XPR1: variants seen among roughly 807,000 people sequenced by gnomAD.
XPR1 encodes xenotropic and polytropic retrovirus receptor 1.
A neutral mutation model predicts 87.5 loss-of-function variants in XPR1; 28 were observed. The ratio of observed to expected loss-of-function variants is 0.32; its 90% confidence interval spans 0.24 to 0.44. The LOEUF (loss-of-function observed/expected upper bound fraction) is 0.44, where lower values mean the gene tolerates loss of function less well. Ranked by LOEUF, XPR1 falls within the 20% of genes least tolerant of loss-of-function variation. The pLI is 1.00. For missense variants in XPR1, 559 were observed against 862.3 expected (o/e 0.65, Z 4.41); for synonymous variants, 300 against 306.1 (o/e 0.98, Z 0.21).
chr1:180,774,939 A>G (rs181809257), intron 2 of XPR1, among the ~76,000 whole-genome samples: 370 of 152,314 alleles, frequency 2.4e-3, no homozygotes, highest in Admixed American at 3.9e-3. Flanking sequence ...CCAAGATGGC[A>G]TCTTGTTGTT....
intron 1 of XPR1, among the ~76,000 whole-genome samples, chr1:180,656,881 G>A (rs1251150111): frequency 1.3e-5 from 2 of 151,070 alleles, no homozygotes; most frequent in Non-Finnish European, 2.9e-5. Context: ...GGATTATATG[G>A]TAGTTATATT....
rs1024968348 is a variant in XPR1 at position 180,798,683 on chromosome 1, G to A, written c.224-4705G>A. On this transcript the variant is annotated intron_variant, in intron 3 of 14. Transcript: ENST00000367590. ...CTGGAGTGTGTGGTGGCACAATCTC[G>A]GCTCACTGCAACCTCCACCTCCTGA... Among the ~76,000 whole-genome samples, 7 of 151,924 alleles carry A rather than the reference G, an allele frequency of 4.6e-5. No individual in the cohort carries two copies. The South Asian group carries it at 8.3e-4, about 18-fold the overall frequency.
intron 1 of XPR1, among the ~76,000 whole-genome samples, chr1:180,645,351 C>T (rs1220967189): frequency 6.6e-6 from 1 of 152,226 alleles, no homozygotes; most frequent in Non-Finnish European, 1.5e-5. Flanking sequence ...TTCAAAATCT[C>T]TGCTAATGTT....
intron 3 of XPR1, among the ~76,000 whole-genome samples, chr1:180,796,881 A>G (rs1190075309): frequency 1.3e-5 from 2 of 152,200 alleles, no homozygotes; most frequent in African/African-American, 4.8e-5. Flanking sequence ...GAAACTCAAA[A>G]TCATCCTGCT....
chr1:180,721,221 CAA>C (rs113624114), intron 2 of XPR1, among the ~76,000 whole-genome samples: 45 of 107,646 alleles, frequency 4.2e-4, no homozygotes, highest in African/African-American at 9.3e-4. Context: ...AACTCTGTCT[CAA>C]AAAAAAAAAA....
chr1:180,737,804 T>A (rs1412039538), intron 2 of XPR1, among the ~76,000 whole-genome samples: 1 of 152,220 alleles, frequency 6.6e-6, no homozygotes, highest in Non-Finnish European at 1.5e-5. Flanking sequence ...TTTTTGTTGC[T>A]GAGTAGCATT....
intron 2 of XPR1, among the ~76,000 whole-genome samples, chr1:180,760,921 T>C (rs939182278): frequency 2.0e-5 from 3 of 152,112 alleles, no homozygotes; most frequent in African/African-American, 4.8e-5. Flanking sequence ...AACAGAGATA[T>C]AGATCAATGG....
intron 9 of XPR1, among the ~76,000 whole-genome samples, chr1:180,828,337 A>G (rs1466773731): frequency 2.0e-5 from 3 of 152,198 alleles, no homozygotes; most frequent in African/African-American, 7.2e-5. Context: ...TTTGATATGA[A>G]TATTGTATGT....
At chr1:180,721,394 G>C (rs192318131) in intron 2 of XPR1, among the ~76,000 whole-genome samples, 188 of 152,216 alleles carry the variant, frequency 1.2e-3, no homozygotes, top group Middle Eastern at 6.8e-3. Context: ...CAGACTGTGG[G>C]TTGACTCAGG....
chr1:180,861,782 G>C (rs1422926795), intron 11 of XPR1, among the ~76,000 whole-genome samples: 1 of 152,070 alleles, frequency 6.6e-6, no homozygotes, highest in African/African-American at 2.4e-5. Flanking sequence ...TTGGGTGGGA[G>C]TGGGGATAAG....
At position 180,766,608 on chromosome 1, in the gene XPR1, T is replaced by G. The variant is rs1361808804; in HGVS notation, c.122-21145T>G. On this transcript the variant is annotated intron_variant, in intron 2 of 14. Transcript: ENST00000367590. Reference sequence around the variant, plus strand: ...GTATTTCTAACATTAAAAAAAAACCTTTTGTGAAATTGTAATTTAAAATAA... The same window carrying G: ...GTATTTCTAACATTAAAAAAAAACCGTTTGTGAAATTGTAATTTAAAATAA... 2.0e-5 allele frequency among the ~76,000 whole-genome samples: 3 copies of G among 152,150 alleles called. No individual in the cohort carries two copies. The East Asian group carries it at 5.8e-4, about 29-fold the overall frequency.
intron 7 of XPR1, among the ~76,000 whole-genome samples, chr1:180,817,714 A>G (rs1049030729): frequency 3.3e-5 from 5 of 152,252 alleles, no homozygotes; most frequent in African/African-American, 7.2e-5. Context: ...GACACAAAGA[A>G]TACATATTAC....
Position 180,884,185 on chromosome 1 carries a change from C to G in XPR1, c.*119C>G, listed in dbSNP as rs1307263754. On this transcript the variant is annotated 3_prime_UTR_variant, in exon 15 of 15. Transcript: ENST00000367590. The stretch of plus-strand genomic sequence containing the variant: ...AGGAGAAAACACATAACACATTTTC[C>G]GAGCTCTTCCGGATCGGATCCTATG... The G allele has an allele frequency of 1.3e-6, 1 of 744,202 alleles. No homozygotes were observed. Among genetic ancestry groups the G allele is most frequent in the Non-Finnish European group, 2.1e-6 (1 of 471,292 alleles). 46.1% of individuals were successfully genotyped at this position (744,202 alleles called of 1,614,324 possible). A position where few individuals can be genotyped will look rare whatever the true frequency, so the allele number is the denominator to read the frequency against.
chr1:180,790,783 C>G (rs1406685761), intron 3 of XPR1, among the ~76,000 whole-genome samples: 1 of 152,004 alleles, frequency 6.6e-6, no homozygotes, highest in Admixed American at 6.6e-5. Flanking sequence ...CCTCGTGATC[C>G]GCCTGCCTCA....
intron 6 of XPR1, 44 bp downstream of exon 6, chr1:180,806,601 A>T (rs752711278): frequency 5.7e-6 from 9 of 1,569,946 alleles, no homozygotes; most frequent in Non-Finnish European, 6.1e-6. Flanking sequence ...CACCTATTTA[A>T]TAATCAACAC....
chr1:180,746,992 A>G (rs1160777540), intron 2 of XPR1, among the ~76,000 whole-genome samples: 1 of 152,212 alleles, frequency 6.6e-6, no homozygotes, highest in Non-Finnish European at 1.5e-5. Flanking sequence ...TTTATGGTTA[A>G]TATTTCAAAT....
intron 1 of XPR1, among the ~76,000 whole-genome samples, chr1:180,673,468 ATATTTTATATCATC>A (rs1413232474): frequency 1.3e-5 from 2 of 152,178 alleles, no homozygotes; most frequent in Admixed American, 1.3e-4. Flanking sequence ...AAGTAGGAAC[ATATTTTATATCATC>A]TAGATCAGGG....
intron 2 of XPR1, among the ~76,000 whole-genome samples, chr1:180,770,619 G>C (rs1318826670): frequency 1.3e-5 from 2 of 152,188 alleles, no homozygotes; most frequent in Non-Finnish European, 2.9e-5. Flanking sequence ...TTTGTGCTAT[G>C]AAGGTTGCTC....
chr1:180,639,091 G>A (rs113009932), intron 1 of XPR1, among the ~76,000 whole-genome samples: 1,787 of 152,244 alleles, frequency 0.012, 36 homozygotes, highest in African/African-American at 0.04. Flanking sequence ...GAGATCAGGA[G>A]TTCGAGACCA....
Sources: allele counts gnomAD v4.1 joint callset (sites outside exome capture counted in the v4.1 genomes callset), GRCh38; gene constraint gnomAD v4.1.1; transcripts MANE v1.5; gene names NCBI Gene and HGNC (gene_info 2026-07-23, HGNC 2026-07-21).